The following KATNAL2 variants were observed in gnomAD, a reference collection of about 807,000 sequenced individuals.
The protein encoded by KATNAL2 is katanin catalytic subunit A1 like 2, also known as katanin p60 ATPase-containing subunit A-like 2.
In KATNAL2, 52 loss-of-function variants were observed where a neutral mutation model predicts 76.3. The ratio of observed to expected loss-of-function variants is 0.68; its 90% confidence interval spans 0.55 to 0.86. The LOEUF (loss-of-function observed/expected upper bound fraction) is 0.86, where lower values mean the gene tolerates loss of function less well. Among genes scored for constraint, KATNAL2 ranks in the 40% least tolerant of loss-of-function variants. KATNAL2 has a pLI of 0.00. For synonymous variants in KATNAL2, 243 were observed against 244.2 expected (o/e 1.00, Z 0.05); for missense variants, 660 against 668.9 (o/e 0.99, Z 0.15).
chr18:46,955,158 C>CTTTCTTTCTTTCTTTCTT (rs2059699217), intron 3 of KATNAL2, among the ~76,000 whole-genome samples: 2 of 135,994 alleles, frequency 1.5e-5, no homozygotes, highest in Non-Finnish European at 3.1e-5. Context: ...TTCTTTCTTT[C>CTTTCTTTCTTTCTTTCTT]TTTCTTTCTT....
chr18:47,099,435 G>C (rs373389388), intron 16 of KATNAL2, 30 bp downstream of exon 16: 1 of 1,574,982 alleles, frequency 6.3e-7, no homozygotes, highest in African/African-American at 1.4e-5. Context: ...GGCACATGTA[G>C]GTCAAGGGCC....
intron 3 of KATNAL2, chr18:47,035,002 T>G: frequency 2.5e-6 from 4 of 1,611,584 alleles, no homozygotes; most frequent in African/African-American, 1.3e-5. Flanking sequence ...CTCAGGGTCC[T>G]GTGGGCCAGG....
intron 3 of KATNAL2, among the ~76,000 whole-genome samples, chr18:46,966,128 A>ACACG (rs2060126975): frequency 7.1e-6 from 1 of 140,520 alleles, no homozygotes; most frequent in East Asian, 2.1e-4. Flanking sequence ...CGTGTTGTGC[A>ACACG]GAGAAATAAG....
At chr18:47,079,137 C>A (rs1345007996) in intron 15 of KATNAL2, among the ~76,000 whole-genome samples, 1 of 152,154 alleles carries the variant, frequency 6.6e-6, no homozygotes, top group East Asian at 1.9e-4. Flanking sequence ...TTCTTTGCTG[C>A]AATATCTTAA....
intron 15 of KATNAL2, chr18:47,084,284 G>A (rs778729941): frequency 3.6e-5 from 25 of 700,736 alleles, no homozygotes; most frequent in Admixed American, 3.2e-4. Context: ...AGCAATGCAT[G>A]CATGTGATTG....
intron 14 of KATNAL2, among the ~76,000 whole-genome samples, chr18:47,075,792 A>T (rs546665994): frequency 6.6e-6 from 1 of 152,364 alleles, no homozygotes; most frequent in East Asian, 1.9e-4. Context: ...CCTGAGAGGC[A>T]GTCCTCGACG....
intron 4 of KATNAL2, among the ~76,000 whole-genome samples, chr18:47,050,425 C>T (rs1006893497): frequency 2.6e-5 from 4 of 152,156 alleles, no homozygotes; most frequent in African/African-American, 9.7e-5. Flanking sequence ...CAAATTATCC[C>T]TGATTTTTTA....
chr18:46,939,809 C>A (rs745954577), intron 1 of KATNAL2, among the ~76,000 whole-genome samples: 1 of 152,232 alleles, frequency 6.6e-6, no homozygotes, highest in African/African-American at 2.4e-5. Context: ...CCTGAAGCTA[C>A]ACTGGTCTCT....
intron 1 of KATNAL2, among the ~76,000 whole-genome samples, chr18:46,919,674 A>G (rs955271248): frequency 3.9e-5 from 6 of 152,204 alleles, no homozygotes; most frequent in East Asian, 1.9e-4. Flanking sequence ...TTATTTTAAA[A>G]TTTTATGTTA....
At chr18:47,044,688 G>A (rs900170907) in intron 3 of KATNAL2, among the ~76,000 whole-genome samples, 1 of 151,618 alleles carries the variant, frequency 6.6e-6, no homozygotes, top group Non-Finnish European at 1.5e-5. Context: ...TTGAACCCGG[G>A]AGGCAGAGTT....
intron 3 of KATNAL2, among the ~76,000 whole-genome samples, chr18:47,040,274 C>A (rs2060918803): frequency 6.6e-6 from 1 of 152,228 alleles, no homozygotes; most frequent in African/African-American, 2.4e-5. Context: ...CTAGGAAAGA[C>A]CGGCTGGTAA....
chr18:47,066,888 T>TATATATAAAAACACAC (rs11281082), intron 10 of KATNAL2, 133 bp from the exon 11 acceptor site: 2 of 75,816 alleles, frequency 2.6e-5, no homozygotes, highest in African/African-American at 8.8e-5. Context: ...TATATATATA[T>TATATATAAAAACACAC]ATATAATATG....
intron 1 of KATNAL2, among the ~76,000 whole-genome samples, chr18:46,944,800 C>T (rs1324063221): frequency 2.0e-5 from 3 of 151,566 alleles, no homozygotes; most frequent in African/African-American, 4.8e-5. Context: ...TGGTGGCGTG[C>T]ACTTGTAATC....
chr18:47,099,856 C>A (rs1424700315), intron 16 of KATNAL2, among the ~76,000 whole-genome samples: 3 of 152,124 alleles, frequency 2.0e-5, no homozygotes, highest in Admixed American at 2.0e-4. Flanking sequence ...ATGTTGCCTG[C>A]TTTTGGTGAA....
At position 47,101,601 on chromosome 18, in the gene KATNAL2, T is replaced by C. The variant is rs1433379564; in HGVS notation, c.*596T>C. ...TCAGAAATGTCACTGAGCATTCTGA[T>C]GCTAGAGCTAATAGCCAGGGTGACT... On this transcript the variant is annotated 3_prime_UTR_variant, in exon 18 of 18. Transcript: ENST00000683218. The C allele has an allele frequency of 2.6e-5, 4 of 154,292 alleles. No homozygotes were observed. Among genetic ancestry groups the C allele is most frequent in the African/African-American group, 7.2e-5 (3 of 41,436 alleles). 9.6% of individuals were successfully genotyped at this position (154,292 alleles called of 1,614,324 possible).
At chr18:46,955,130 CTT>C (rs1158487680) in intron 3 of KATNAL2, among the ~76,000 whole-genome samples, 10 of 118,842 alleles carry the variant, frequency 8.4e-5, no homozygotes, top group Non-Finnish European at 1.4e-4. Flanking sequence ...GTCTTTCTTT[CTT>C]TCTCTCTCTC....
chr18:47,083,428 T>C (rs1235992620), intron 15 of KATNAL2, among the ~76,000 whole-genome samples: 3 of 152,228 alleles, frequency 2.0e-5, no homozygotes, highest in Non-Finnish European at 4.4e-5. Context: ...AGTTCTCATC[T>C]ATTGCATCGT....
At chr18:47,035,600 C>T (rs2060737049) in intron 3 of KATNAL2, 2 of 516,838 alleles carry the variant, frequency 3.9e-6, no homozygotes, top group East Asian at 3.7e-5. Context: ...CTGACACTCA[C>T]GGCTCTAGCC....
chr18:47,053,087 G>T, intron 5 of KATNAL2, 41 bp downstream of exon 5: 3 of 1,464,646 alleles, frequency 2.0e-6, no homozygotes, highest in Non-Finnish European at 2.8e-6. Flanking sequence ...TGTCTCATCT[G>T]TAAGATTAGT....
Sources: allele counts gnomAD v4.1 joint callset (sites outside exome capture counted in the v4.1 genomes callset), GRCh38; gene constraint gnomAD v4.1.1; transcripts MANE v1.5; gene names NCBI Gene and HGNC (gene_info 2026-07-23, HGNC 2026-07-21).